The following SENP6 variants were observed in gnomAD, a reference collection of about 807,000 sequenced individuals.
SENP6 encodes SUMO specific peptidase 6, also known as sentrin-specific protease 6.
In SENP6, 41 loss-of-function variants were observed where a neutral mutation model predicts 134.5. The observed-to-expected ratio is 0.30, with a 90% CI of 0.24 to 0.40. SENP6 has a LOEUF of 0.40. SENP6 is among the 10% of genes least tolerant of loss of function. The pLI, the probability that SENP6 is intolerant of heterozygous loss-of-function variation, is 1.00. For synonymous variants in SENP6, 395 were observed against 429.8 expected, an observed-to-expected ratio of 0.92 and a Z score of 1.00; for missense variants, 1,248 against 1,312.5, an observed-to-expected ratio of 0.95 and a Z score of 0.76.
At chr6:75,620,312 A>C (rs1768172339) in intron 1 of SENP6, among the ~76,000 whole-genome samples, 1 of 152,120 alleles carries the variant, frequency 6.6e-6, no homozygotes, top group Non-Finnish European at 1.5e-5. Flanking sequence ...GTCTTAGTTC[A>C]TTCGGGCTGC....
chr6:75,686,329 TG>T (rs1156334643), intron 16 of SENP6, among the ~76,000 whole-genome samples: 1 of 152,206 alleles, frequency 6.6e-6, no homozygotes, highest in Non-Finnish European at 1.5e-5. Context: ...AGCACACTGA[TG>T]GGTCTTGACT....
At position 75,717,231 on chromosome 6, in the gene SENP6, T is replaced by G. The variant is rs1341531052; in HGVS notation, c.*1637T>G. ...ACTGGGATAAAAAATTGAAGTTGTT[T>G]TTTTTAAAACCTAATAGCAATAAGC... On this transcript the variant is annotated 3_prime_UTR_variant, in exon 24 of 24. Coordinates refer to ENST00000447266, the MANE Select transcript of SENP6 (RefSeq NM_015571.4). The G allele has an allele frequency of 1.3e-5, 2 of 152,072 alleles. No homozygotes were observed. Among genetic ancestry groups the G allele is most frequent in the Non-Finnish European group, 2.9e-5 (2 of 67,922 alleles). The allele number at this position is 152,072 out of a possible 1,614,324, so 9.4% of individuals were successfully genotyped here.
intron 3 of SENP6, among the ~76,000 whole-genome samples, chr6:75,627,506 G>A (rs1335235785): frequency 2.0e-5 from 3 of 152,130 alleles, no homozygotes; most frequent in Non-Finnish European, 4.4e-5. Flanking sequence ...TCTTTTGCCT[G>A]TAATCCCAGC....
chr6:75,660,984 A>T (rs1407203351), intron 8 of SENP6, among the ~76,000 whole-genome samples: 1 of 152,168 alleles, frequency 6.6e-6, no homozygotes, highest in Non-Finnish European at 1.5e-5. Context: ...CTGAGGAGCC[A>T]TGCATACAAG....
Position 75,717,141 on chromosome 6 carries a change from A to G in SENP6, c.*1547A>G, listed in dbSNP as rs778792883. 1.3e-5 allele frequency: 2 copies of G among 152,074 alleles called. No individual in the cohort carries two copies. The highest frequency in any genetic ancestry group is 2.4e-5 in the African/African-American group (1 of 41,458). The allele number at this position is 152,074 out of a possible 1,614,324, so 9.4% of individuals were successfully genotyped here. A position where few individuals can be genotyped will look rare whatever the true frequency, so the allele number is the denominator to read the frequency against. On this transcript the variant is annotated 3_prime_UTR_variant, in exon 24 of 24. Transcript: ENST00000447266. ...AGCTCAGATATCTTAATTAGCTCAT[A>G]TGAAAAACAAGTTTAATTTTATTAT...
intron 6 of SENP6, chr6:75,647,406 T>C (rs888964659): frequency 4.8e-6 from 1 of 207,214 alleles, no homozygotes; most frequent in African/African-American, 2.4e-5. Flanking sequence ...GTAATCATAC[T>C]ACAAGACTAA....
In SENP6 at chr6:75,608,536, A is replaced by G. The variant is rs541193860; in HGVS notation, c.52+5960A>G. On this transcript the variant is annotated intron_variant, in intron 1 of 23. Coordinates refer to ENST00000447266, the MANE Select transcript of SENP6 (RefSeq NM_015571.4). ...AAGGAAAGAAAGAAGGAAAGAGAGG[A>G]AGGAAAGAAAGGAAGAAAGAAAGGA... Among the ~76,000 whole-genome samples the G allele has an allele frequency of 2.6e-5, 4 of 152,122 alleles. No individual in the cohort carries two copies. The East Asian group carries it at 7.7e-4, about 29-fold the overall frequency.
At chr6:75,694,757 C>G (rs766760738) in intron 16 of SENP6, among the ~76,000 whole-genome samples, 11 of 152,110 alleles carry the variant, frequency 7.2e-5, no homozygotes, top group Admixed American at 1.3e-4. Context: ...AAATGTAACA[C>G]TTTATTTTTC....
chr6:75,677,069 G>T lies in SENP6; in HGVS notation c.1661G>T (p.Gly554Val). 1 of 1,589,136 alleles carries T rather than the reference G, an allele frequency of 6.3e-7. No homozygotes were observed. ...TATATAATTTTAATTTTTCAAAATGGCCTTGATCCTCCGGCAAATATGGTA... is the reference window on the plus strand; with the variant it reads ...TATATAATTTTAATTTTTCAAAATGTCCTTGATCCTCCGGCAAATATGGTA... ...EQYIILIFQN[G>V]LDPPANMVFE... The change falls in exon 14 of 24, where the codon GGC becomes GTC. Residue 554 changes from glycine (G) to valine (V), a missense_variant. Coordinates refer to ENST00000447266, the MANE Select transcript of SENP6 (RefSeq NM_015571.4).
intron 6 of SENP6, among the ~76,000 whole-genome samples, chr6:75,642,943 G>A (rs535921663): frequency 6.6e-6 from 1 of 152,276 alleles, no homozygotes; most frequent in South Asian, 2.1e-4. Flanking sequence ...TTTTGGTGGG[G>A]GAGGTGGGGA....
intron 10 of SENP6, among the ~76,000 whole-genome samples, chr6:75,667,444 A>G (rs1356917437): frequency 6.6e-6 from 1 of 152,230 alleles, no homozygotes; most frequent in Non-Finnish European, 1.5e-5. Context: ...GGATAAAAAC[A>G]AAATGAACAA....
chr6:75,604,406 CG>C (rs921291613), intron 1 of SENP6, among the ~76,000 whole-genome samples: 21 of 152,150 alleles, frequency 1.4e-4, no homozygotes, highest in African/African-American at 5.1e-4. Flanking sequence ...CCGAGGCAGG[CG>C]GATCACTTGA....
Position 75,675,480 on chromosome 6 carries a change from T to TA in SENP6, c.1426+13dup. Reference sequence around the variant, plus strand: ...GATACAGCTAGACGGTAAGCTATTTTATGTCTTTTTACTTACCAAAGCTTT... The same window carrying TA: ...GATACAGCTAGACGGTAAGCTATTTTAATGTCTTTTTACTTACCAAAGCTTT... On this transcript the variant is annotated intron_variant, in intron 12 of 23. Transcript: ENST00000447266. 1 of 1,425,866 alleles carries TA rather than the reference T, an allele frequency of 7.0e-7. No individual in the cohort carries two copies. Among genetic ancestry groups the TA allele is most frequent in the Admixed American group, 2.2e-5 (1 of 46,248 alleles). 88.3% of individuals were successfully genotyped at this position (1,425,866 alleles called of 1,614,324 possible).
At chr6:75,665,865 A>G (rs1431658842) in intron 9 of SENP6, among the ~76,000 whole-genome samples, 2 of 151,830 alleles carry the variant, frequency 1.3e-5, no homozygotes, top group African/African-American at 2.4e-5. Flanking sequence ...CATCTCTACT[A>G]AAAATACAAA....
chr6:75,682,757 A>G (rs1773553541), intron 16 of SENP6, among the ~76,000 whole-genome samples: 1 of 152,218 alleles, frequency 6.6e-6, no homozygotes, highest in African/African-American at 2.4e-5. Context: ...ATGGCTGCAT[A>G]GTATTCCATG....
intron 19 of SENP6, among the ~76,000 whole-genome samples, chr6:75,706,522 G>A (rs1281351710): frequency 6.6e-6 from 1 of 152,096 alleles, no homozygotes; most frequent in African/African-American, 2.4e-5. Flanking sequence ...TAATTTTCTG[G>A]TCAAGTAAAA....
intron 11 of SENP6, among the ~76,000 whole-genome samples, chr6:75,673,659 T>C (rs935302629): frequency 6.6e-6 from 1 of 152,170 alleles, no homozygotes. Context: ...GTGACTTACT[T>C]AGATATTTCT....
chr6:75,710,196 T>TC (rs11443413), intron 20 of SENP6, among the ~76,000 whole-genome samples: 11,782 of 152,172 alleles, frequency 0.077, 1,011 homozygotes, highest in African/African-American at 0.21. Flanking sequence ...TATTTTTTTT[T>TC]CTCCTGCCTG....
intron 6 of SENP6, among the ~76,000 whole-genome samples, chr6:75,645,875 C>T (rs961373305): frequency 6.6e-6 from 1 of 152,142 alleles, no homozygotes; most frequent in African/African-American, 2.4e-5. Flanking sequence ...TCTGGAAATA[C>T]AGGGAAGTAT....
Sources: allele counts gnomAD v4.1 joint callset (sites outside exome capture counted in the v4.1 genomes callset), GRCh38; gene constraint gnomAD v4.1.1; transcripts MANE v1.5; gene names NCBI Gene and HGNC (gene_info 2026-07-23, HGNC 2026-07-21).